The following FNIP2 variants were observed in gnomAD, a reference collection of about 807,000 sequenced individuals.
The protein encoded by FNIP2 is folliculin interacting protein 2.
In FNIP2, 32 loss-of-function variants were observed where a neutral mutation model predicts 108.7. The ratio of observed to expected loss-of-function variants is 0.29; its 90% CI spans 0.22 to 0.40. FNIP2 has a LOEUF of 0.40. FNIP2 is among the 10% of genes least tolerant of loss of function. FNIP2 has a pLI of 1.00. For missense variants in FNIP2, 1,202 were observed against 1,381.6 expected (o/e 0.87, Z 2.06); for synonymous variants, 480 against 496.7 (o/e 0.97, Z 0.45).
chr4:158,770,116 C>T (rs189183390), intron 1 of FNIP2, among the ~76,000 whole-genome samples: 3 of 152,244 alleles, frequency 2.0e-5, no homozygotes, highest in Admixed American at 2.0e-4. Context: ...TCACAGATAA[C>T]TTAGGCGGCT....
At position 158,820,465 on chromosome 4, in the gene FNIP2, A is replaced by G. The variant is rs544566618; in HGVS notation, c.108-5451A>G. On this transcript the variant is annotated intron_variant, in intron 1 of 16. Transcript: ENST00000264433. ...TGAAACCCAGGATTTACAAGTCACT[A>G]CTACCTCTGCATTTGCCCTGAAAAT... Among the ~76,000 whole-genome samples, 11 of 152,304 alleles carry G rather than the reference A, an allele frequency of 7.2e-5. No individual in the cohort carries two copies. The South Asian group carries it at 2.1e-3, about 29-fold the overall frequency.
intron 1 of FNIP2, among the ~76,000 whole-genome samples, chr4:158,800,669 C>T (rs1197117731): frequency 6.6e-6 from 1 of 152,118 alleles, no homozygotes; most frequent in African/African-American, 2.4e-5. Flanking sequence ...ATCATGGCTG[C>T]TCAAAAGCGT....
chr4:158,885,732 C>A (rs147884695), intron 14 of FNIP2, among the ~76,000 whole-genome samples: 4 of 152,296 alleles, frequency 2.6e-5, no homozygotes, highest in African/African-American at 9.6e-5. Flanking sequence ...AAGTACTATC[C>A]CATTTTACAG....
Position 158,906,643 on chromosome 4 carries a change from G to C in FNIP2, c.*2099G>C, listed in dbSNP as rs535190442. 6.6e-6 allele frequency: 1 copy of C among 152,152 alleles called. No individual in the cohort carries two copies. Among genetic ancestry groups the C allele is most frequent in the East Asian group, 1.9e-4 (1 of 5,200 alleles). The allele number at this position is 152,152 out of a possible 1,614,324, so 9.4% of individuals were successfully genotyped here. A position where few individuals can be genotyped will look rare whatever the true frequency, so the allele number is the denominator to read the frequency against. ...GGAAAACTACAGGTGGGTCACATGTGGGGGCTGTCTCCGTGACACTCAGGA... is the reference window on the plus strand; with the variant it reads ...GGAAAACTACAGGTGGGTCACATGTCGGGGCTGTCTCCGTGACACTCAGGA... On this transcript the variant is annotated 3_prime_UTR_variant, in exon 17 of 17. Coordinates refer to ENST00000264433, the MANE Select transcript of FNIP2 (RefSeq NM_020840.3).
At chr4:158,886,959 G>A (rs923870100) in intron 14 of FNIP2, among the ~76,000 whole-genome samples, 1 of 152,206 alleles carries the variant, frequency 6.6e-6, no homozygotes, top group South Asian at 2.1e-4. Flanking sequence ...ATTAAGAAGA[G>A]AAATTTTACC....
intron 1 of FNIP2, among the ~76,000 whole-genome samples, chr4:158,809,184 T>C (rs543492886): frequency 6.6e-6 from 1 of 152,292 alleles, no homozygotes; most frequent in East Asian, 1.9e-4. Flanking sequence ...TTGCTGGGCA[T>C]GGTGGCGTTC....
intron 7 of FNIP2, among the ~76,000 whole-genome samples, chr4:158,846,594 T>C (rs1224645746): frequency 6.6e-6 from 1 of 152,196 alleles, no homozygotes; most frequent in Admixed American, 6.5e-5. Flanking sequence ...TTCTCTGTCT[T>C]GTGTTGTAGG....
intron 1 of FNIP2, among the ~76,000 whole-genome samples, chr4:158,772,329 C>T (rs957447225): frequency 4.6e-5 from 7 of 152,210 alleles, no homozygotes; most frequent in East Asian, 3.8e-4. Context: ...TTTCAAGCCA[C>T]GCTATGTCCA....
chr4:158,846,455 T>A (rs1779410561), intron 7 of FNIP2, among the ~76,000 whole-genome samples: 1 of 152,194 alleles, frequency 6.6e-6, no homozygotes. Context: ...TTAAGTAAAC[T>A]GCTGGCCAAG....
At chr4:158,882,238 C>T (rs1184272874) in intron 14 of FNIP2, among the ~76,000 whole-genome samples, 5 of 151,930 alleles carry the variant, frequency 3.3e-5, no homozygotes, top group African/African-American at 7.2e-5. Context: ...GCAGCCGCCC[C>T]GTCTGAGAAG....
chr4:158,871,247 A>G (rs1226818451), intron 14 of FNIP2, among the ~76,000 whole-genome samples: 1 of 152,236 alleles, frequency 6.6e-6, no homozygotes, highest in African/African-American at 2.4e-5. Context: ...GAAACTGTCA[A>G]TCTGATGGGC....
At chr4:158,797,424 G>A (rs950920087) in intron 1 of FNIP2, among the ~76,000 whole-genome samples, 4 of 152,210 alleles carry the variant, frequency 2.6e-5, no homozygotes, top group Non-Finnish European at 4.4e-5. Context: ...GCTTTGCTGG[G>A]CATGGTGGCT....
Position 158,868,616 on chromosome 4 carries a change from T to C in FNIP2, c.1980T>C (p.Asp660=). Residue 660 remains aspartate, a synonymous_variant, in exon 13 of 17, where the codon GAT becomes GAC. Coordinates refer to ENST00000264433, the MANE Select transcript of FNIP2 (RefSeq NM_020840.3). This position sits in a 1 kb window ranked among gnomAD's most constrained non-coding sequence, Gnocchi z 4.6. ...GDEKNKEAPQ[D]GSSRLPSCEV... is the part of the protein sequence containing the mutation. Reference sequence around the variant, plus strand: ...AGAAAAATAAAGAGGCACCGCAAGATGGCTCTTCAAGACTTCCCAGCTGTG... The same window carrying C: ...AGAAAAATAAAGAGGCACCGCAAGACGGCTCTTCAAGACTTCCCAGCTGTG... 2 of 1,613,950 alleles carry C rather than the reference T, an allele frequency of 1.2e-6. No individual in the cohort carries two copies. Among genetic ancestry groups the C allele is most frequent in the Non-Finnish European group, 1.7e-6 (2 of 1,179,854 alleles).
Position 158,904,466 on chromosome 4 carries a change from G to C in FNIP2, c.3267G>C (p.Gly1089=), listed in dbSNP as rs753292997. The stretch of plus-strand genomic sequence containing the variant: ...ATTCTTTTCTTTTCTCAATATTCAG[G>C]ATTGAATCCAACGACCTGCCTCTGT... The part of the protein sequence containing the change: ...VHVKELGVVL[G]IESNDLPLLT... The change falls in exon 17 of 17, where the codon GGG becomes GGC. Residue 1089 remains glycine (G), a splice_region_variant and synonymous_variant. Coordinates refer to ENST00000264433, the MANE Select transcript of FNIP2 (RefSeq NM_020840.3). 1.5e-5 allele frequency: 24 copies of C among 1,611,430 alleles called. No homozygotes were observed. The African/African-American group carries it at 3.2e-4, about 22-fold the overall frequency.
In FNIP2 at chr4:158,868,333, A is replaced by T. The variant is rs781420317; in HGVS notation, c.1697A>T (p.Glu566Val). Residue 566 changes from glutamate to valine, a missense_variant, in exon 13 of 17, where the codon GAG (glutamate) becomes GTG (valine). Glu to Val is a moderately radical substitution (Grantham distance 121). Transcript: ENST00000264433. The surrounding 1 kb of genome is among the most constrained non-coding windows in gnomAD (Gnocchi z 4.6). ...ALEKGEVEES[E>V]YVVITVRNEP... ...GAGAAAGGAGAGGTGGAGGAGTCTG[A>T]GTATGTGGTCATTACGGTGAGGAAC... The T allele has an allele frequency of 1.2e-6, 2 of 1,614,046 alleles. No homozygotes were observed. The highest frequency in any genetic ancestry group is 4.5e-5 in the East Asian group (2 of 44,878).
chr4:158,898,512 C>G (rs890368483), intron 16 of FNIP2, among the ~76,000 whole-genome samples: 1 of 152,026 alleles, frequency 6.6e-6, no homozygotes, highest in African/African-American at 2.4e-5. Context: ...CTCTTATTTC[C>G]TTGAGCAGTG....
At chr4:158,808,382 T>G (rs987384722) in intron 1 of FNIP2, among the ~76,000 whole-genome samples, 16 of 152,214 alleles carry the variant, frequency 1.1e-4, no homozygotes, top group African/African-American at 3.4e-4. Flanking sequence ...TGTTATCCTC[T>G]TTCCTTATTT....
chr4:158,891,085 G>A (rs1232532269), intron 14 of FNIP2, among the ~76,000 whole-genome samples: 1 of 152,190 alleles, frequency 6.6e-6, no homozygotes, highest in African/African-American at 2.4e-5. Flanking sequence ...AAGGACGGAA[G>A]CAGCCAGTAC....
At chr4:158,798,165 A>G (rs570122001) in intron 1 of FNIP2, among the ~76,000 whole-genome samples, 1 of 151,920 alleles carries the variant, frequency 6.6e-6, no homozygotes, top group East Asian at 1.9e-4. Flanking sequence ...CCTGGGCTCA[A>G]ATGATCCTCC....
Sources: gnomAD v4.1 joint callset for allele counts (sites outside exome capture counted in the v4.1 genomes callset) on GRCh38, gnomAD v4.1.1 for gene constraint, Gnocchi (gnomAD v3.1) non-coding constraint, MANE v1.5 for transcripts, NCBI Gene and HGNC (gene_info 2026-07-23, HGNC 2026-07-21) for gene names.